CFAP299: variants seen among roughly 807,000 people sequenced by gnomAD.
CFAP299 encodes cilia- and flagella-associated protein 299.
Under a neutral mutation model 27.0 loss-of-function variants are expected in CFAP299, and 21 were observed. The observed-to-expected ratio is 0.78, with a 90% CI of 0.55 to 1.12. The LOEUF (loss-of-function observed/expected upper bound fraction) is 1.12, where lower values mean the gene tolerates loss of function less well. CFAP299 is among the 50% of genes most tolerant of loss of function. The probability of loss-of-function intolerance (pLI) is 0.00; values close to 1 mark genes in which losing one functional copy is unlikely to be tolerated. For synonymous variants in CFAP299, 104 were observed against 98.1 expected, an observed-to-expected ratio of 1.06 and a Z score of -0.36; for missense variants, 310 against 276.6, an observed-to-expected ratio of 1.12 and a Z score of -0.86.
rs190015898 is a variant in CFAP299, at chr4:80,707,954, G to A, written c.333+124771G>A. 1.8e-3 allele frequency among the ~76,000 whole-genome samples: 281 copies of A among 152,168 alleles called. 1 individual carries two copies. Among genetic ancestry groups the A allele is most frequent in the African/African-American group, 6.2e-3 (259 of 41,560 alleles). On this transcript the variant is annotated intron_variant, in intron 3 of 5. Coordinates refer to ENST00000358105, the MANE Select transcript of CFAP299 (RefSeq NM_152770.3). ...AGGAAAATTCAGGAATCTGATGACG[G>A]AGTTTCTGAAGGTGCAAGCAACACA...
Position 80,662,783 on chromosome 4 carries a change from A to G in CFAP299, c.333+79600A>G, listed in dbSNP as rs568804011. On this transcript the variant is annotated intron_variant, in intron 3 of 5. Coordinates refer to ENST00000358105, the MANE Select transcript of CFAP299 (RefSeq NM_152770.3). ...GGTGTCCTGGAATAGGACAGAGATG[A>G]GAGAAATGAGAGTAAGCTGGTCAGG... Among the ~76,000 whole-genome samples the G allele has an allele frequency of 3.3e-5, 5 of 152,290 alleles. No individual in the cohort carries two copies. In the South Asian group the frequency reaches 1.0e-3, roughly 32 times the overall value.
At chr4:80,800,265 TA>T (rs1728365084) in intron 3 of CFAP299, among the ~76,000 whole-genome samples, 1 of 65,204 alleles carries the variant, frequency 1.5e-5, no homozygotes, top group Non-Finnish European at 2.5e-5. Context: ...ATTATATAAA[TA>T]AAATATATAT....
At chr4:80,657,076 G>GT (rs889632051) in intron 3 of CFAP299, among the ~76,000 whole-genome samples, 93 of 147,138 alleles carry the variant, frequency 6.3e-4, no homozygotes, top group African/African-American at 1.4e-3. Flanking sequence ...TAAGTTATTT[G>GT]TTTTTTTTTT....
chr4:80,390,935 ATATATG>A (rs1445651300), intron 2 of CFAP299, among the ~76,000 whole-genome samples: 1 of 39,690 alleles, frequency 2.5e-5, no homozygotes, highest in African/African-American at 4.8e-5. Flanking sequence ...GTATATATGT[ATATATG>A]TATGTACACA....
intron 3 of CFAP299, among the ~76,000 whole-genome samples, chr4:80,696,133 C>T (rs1391020948): frequency 1.3e-5 from 2 of 151,882 alleles, no homozygotes; most frequent in Admixed American, 6.6e-5. Context: ...AACCCCATCT[C>T]TACTAAAAAT....
chr4:80,815,319 C>A (rs989858259), intron 3 of CFAP299, among the ~76,000 whole-genome samples: 12 of 151,600 alleles, frequency 7.9e-5, no homozygotes, highest in South Asian at 6.2e-4. Flanking sequence ...ATATATTCAG[C>A]TTATATATGC....
intron 2 of CFAP299, among the ~76,000 whole-genome samples, chr4:80,494,883 C>T (rs1480224445): frequency 6.6e-6 from 1 of 152,138 alleles, no homozygotes; most frequent in Non-Finnish European, 1.5e-5. Context: ...AAAGAGAGGG[C>T]TACAGGCCCC....
intron 3 of CFAP299, among the ~76,000 whole-genome samples, chr4:80,676,503 A>G (rs1334091067): frequency 3.9e-5 from 6 of 152,086 alleles, no homozygotes; most frequent in Admixed American, 3.9e-4. Context: ...CTCCTCTTCA[A>G]TTTTTTTGAA....
intron 3 of CFAP299, among the ~76,000 whole-genome samples, chr4:80,641,725 A>G (rs575681855): frequency 6.6e-6 from 1 of 152,236 alleles, no homozygotes; most frequent in Non-Finnish European, 1.5e-5. Context: ...ACTACACGGG[A>G]CATCACATGG....
chr4:80,871,274 C>G lies in CFAP299; in HGVS notation c.476+1139C>G, dbSNP rs112908985. On this transcript the variant is annotated intron_variant, in intron 4 of 5. Coordinates refer to ENST00000358105, the MANE Select transcript of CFAP299 (RefSeq NM_152770.3). ...TAGGATAACATTTCATTTAACTTCT[C>G]TCTTGCAGTAATGCCCATTGCCCAT... 1.6e-3 allele frequency: 1,578 copies of G among 985,426 alleles called. 19 individuals carry two copies. In the African/African-American group the frequency reaches 0.025, roughly 16 times the overall value. The allele number at this position is 985,426 out of a possible 1,614,324, so 61.0% of individuals were successfully genotyped here. A position where few individuals can be genotyped will look rare whatever the true frequency, so the allele number is the denominator to read the frequency against.
At chr4:80,723,952 A>T (rs2110048218) in intron 3 of CFAP299, among the ~76,000 whole-genome samples, 1 of 152,228 alleles carries the variant, frequency 6.6e-6, no homozygotes, top group African/African-American at 2.4e-5. Context: ...ACAGGAAGAA[A>T]AATTATGCAA....
chr4:80,817,122 C>T (rs74822275), intron 3 of CFAP299, among the ~76,000 whole-genome samples: 205 of 152,144 alleles, frequency 1.3e-3, no homozygotes, highest in Non-Finnish European at 2.1e-3. Flanking sequence ...TATGCAGTGA[C>T]GGTGAGGTTG....
At chr4:80,836,423 G>A (rs1236991424) in intron 3 of CFAP299, among the ~76,000 whole-genome samples, 1 of 152,140 alleles carries the variant, frequency 6.6e-6, no homozygotes, top group Non-Finnish European at 1.5e-5. Context: ...CAGGCTTCTG[G>A]AAGGAATCAT....
At chr4:80,609,192 A>G (rs1250494176) in intron 3 of CFAP299, among the ~76,000 whole-genome samples, 4 of 152,156 alleles carry the variant, frequency 2.6e-5, no homozygotes, top group Admixed American at 2.6e-4. Flanking sequence ...AAAAATAAGT[A>G]TATGTTGGGT....
At chr4:80,935,784 A>G (rs1329045732) in intron 4 of CFAP299, among the ~76,000 whole-genome samples, 1 of 152,172 alleles carries the variant, frequency 6.6e-6, no homozygotes, top group African/African-American at 2.4e-5. Context: ...CAGGCAACCT[A>G]CAGAATGACA....
chr4:80,521,308 T>C (rs553033119), intron 2 of CFAP299, among the ~76,000 whole-genome samples: 1 of 152,306 alleles, frequency 6.6e-6, no homozygotes, highest in Non-Finnish European at 1.5e-5. Context: ...CATTCTTATA[T>C]GGCTATCATA....
intron 3 of CFAP299, among the ~76,000 whole-genome samples, chr4:80,843,463 A>T (rs777185656): frequency 9.9e-5 from 15 of 152,026 alleles, no homozygotes; most frequent in Non-Finnish European, 1.5e-5. Flanking sequence ...CCACATTTTC[A>T]TAATCCAGTC....
At chr4:80,361,632 G>A (rs1723552798) in intron 1 of CFAP299, among the ~76,000 whole-genome samples, 1 of 152,142 alleles carries the variant, frequency 6.6e-6, no homozygotes, top group Non-Finnish European at 1.5e-5. Context: ...CTGTTGCTTT[G>A]CATTGTAATC....
intron 3 of CFAP299, among the ~76,000 whole-genome samples, chr4:80,738,127 G>A (rs1294047284): frequency 1.3e-5 from 2 of 152,098 alleles, no homozygotes; most frequent in African/African-American, 4.8e-5. Context: ...AATGTTTTAA[G>A]ACTTATTTTG....
Sources: gnomAD v4.1 joint callset for allele counts (sites outside exome capture counted in the v4.1 genomes callset) on GRCh38, gnomAD v4.1.1 for gene constraint, MANE v1.5 for transcripts, NCBI Gene and HGNC (gene_info 2026-07-23, HGNC 2026-07-21) for gene names.